Variants in COL24A1 observed in about 807,000 individuals in gnomAD.
COL24A1 encodes collagen type XXIV alpha 1 chain.
COL24A1 carries 224 observed loss-of-function variants against 253.9 expected under a neutral mutation model. The ratio of observed to expected loss-of-function variants is 0.88; its 90% CI spans 0.79 to 0.99. COL24A1 has a LOEUF of 0.99. Ranked by LOEUF, COL24A1 falls within the 50% of genes least tolerant of loss-of-function variation. The pLI, the probability that COL24A1 is intolerant of heterozygous loss-of-function variation, is 0.00. For missense variants in COL24A1, 2,131 were observed against 2,068.5 expected (o/e 1.03, Z -0.59); for synonymous variants, 685 against 673.7 (o/e 1.02, Z -0.26).
intron 12 of COL24A1, among the ~76,000 whole-genome samples, chr1:86,036,235 G>T (rs1458771969): frequency 6.6e-6 from 1 of 151,940 alleles, no homozygotes; most frequent in African/African-American, 2.4e-5. Flanking sequence ...GATACCTCCT[G>T]CCTCAGCCTC....
At chr1:86,061,461 A>G (rs1380392464) in intron 8 of COL24A1, among the ~76,000 whole-genome samples, 1 of 152,018 alleles carries the variant, frequency 6.6e-6, no homozygotes, top group Non-Finnish European at 1.5e-5. Context: ...AACCTCGATA[A>G]AAAGTCAATC....
chr1:85,818,616 A>C (rs1258278074), intron 45 of COL24A1, among the ~76,000 whole-genome samples: 1 of 152,202 alleles, frequency 6.6e-6, no homozygotes, highest in Admixed American at 6.5e-5. Context: ...TTTATTTCCC[A>C]CGGAACTGTT....
intron 24 of COL24A1, among the ~76,000 whole-genome samples, chr1:85,932,152 C>A (rs1282376017): frequency 1.0e-4 from 9 of 90,374 alleles, no homozygotes; most frequent in East Asian, 3.5e-4. Context: ...AACAGGCAAC[C>A]TACAACATGG....
At chr1:85,888,009 C>A (rs1682710808) in intron 32 of COL24A1, among the ~76,000 whole-genome samples, 1 of 151,420 alleles carries the variant, frequency 6.6e-6, no homozygotes, top group African/African-American at 2.4e-5. Flanking sequence ...AATTTATAAT[C>A]TTCCATTCTC....
intron 48 of COL24A1, among the ~76,000 whole-genome samples, chr1:85,785,497 A>G (rs1361555166): frequency 6.6e-6 from 1 of 152,222 alleles, no homozygotes; most frequent in Non-Finnish European, 1.5e-5. Context: ...TTTGACAAAT[A>G]TGGATCTTTC....
chr1:85,932,285 C>G (rs1341625161), intron 24 of COL24A1, among the ~76,000 whole-genome samples: 5 of 70,346 alleles, frequency 7.1e-5, no homozygotes, highest in African/African-American at 2.6e-4. Context: ...AGGACATGAA[C>G]AGACACTTCT....
intron 32 of COL24A1, among the ~76,000 whole-genome samples, chr1:85,880,082 T>C (rs187650173): frequency 1.3e-5 from 2 of 152,322 alleles, no homozygotes; most frequent in Admixed American, 6.5e-5. Context: ...TTGATTAGAA[T>C]TGAATTGACT....
At chr1:86,015,523 C>T (rs1696908202) in intron 19 of COL24A1, among the ~76,000 whole-genome samples, 1 of 152,050 alleles carries the variant, frequency 6.6e-6, no homozygotes, top group Non-Finnish European at 1.5e-5. Flanking sequence ...GACTCAAAAC[C>T]ATACTTATAG....
At chr1:86,101,720 T>C (rs1486844545) in intron 5 of COL24A1, among the ~76,000 whole-genome samples, 2 of 152,220 alleles carry the variant, frequency 1.3e-5, no homozygotes, top group African/African-American at 4.8e-5. Context: ...CAACCTTGCA[T>C]GGCAGAGATA....
chr1:85,956,513 A>T (rs1690485047), intron 24 of COL24A1, among the ~76,000 whole-genome samples: 1 of 152,214 alleles, frequency 6.6e-6, no homozygotes, highest in South Asian at 2.1e-4. Flanking sequence ...ATGAAATCTT[A>T]CTTTGTTCAC....
intron 5 of COL24A1, among the ~76,000 whole-genome samples, chr1:86,095,753 CTT>C (rs1269771819): frequency 1.3e-5 from 2 of 151,990 alleles, no homozygotes; most frequent in African/African-American, 4.8e-5. Context: ...TTCTGCATGA[CTT>C]TTGTTAAAGG....
At chr1:85,833,897 A>T (rs993237630) in intron 43 of COL24A1, among the ~76,000 whole-genome samples, 7 of 145,852 alleles carry the variant, frequency 4.8e-5, no homozygotes, top group African/African-American at 1.5e-4. Flanking sequence ...GTTCTCACTT[A>T]TAGGTGGGAA....
At chr1:85,926,847 CA>C (rs1343778310) in intron 24 of COL24A1, among the ~76,000 whole-genome samples, 2 of 151,246 alleles carry the variant, frequency 1.3e-5, no homozygotes, top group Non-Finnish European at 2.9e-5. Flanking sequence ...TAAAAAGAGT[CA>C]AAAAGGAGGA....
At chr1:86,110,394 GACA>G (rs1263573759) in intron 5 of COL24A1, among the ~76,000 whole-genome samples, 1 of 152,060 alleles carries the variant, frequency 6.6e-6, no homozygotes, top group Non-Finnish European at 1.5e-5. Context: ...ATTGAGAGGT[GACA>G]ACATGCTAGC....
At chr1:85,875,384 A>G in intron 33 of COL24A1, 54 bp from the exon 34 acceptor site, 2 of 1,436,998 alleles carry the variant, frequency 1.4e-6, no homozygotes, top group Non-Finnish European at 2.0e-6. Flanking sequence ...TCATGAGAAG[A>G]TGGTGGTAAC....
In COL24A1 at chr1:86,156,654, G is replaced by C; in HGVS notation, c.-258C>G. On this transcript the variant is annotated 5_prime_UTR_variant, in exon 1 of 60. Coordinates refer to ENST00000370571, the MANE Select transcript of COL24A1 (RefSeq NM_152890.7). ...GCCCAGGGTTGCGCTCCCCGGGGAGGGCGGGCGAGGAGGTAAACCTCACTG... is the reference window on the plus strand; with the variant it reads ...GCCCAGGGTTGCGCTCCCCGGGGAGCGCGGGCGAGGAGGTAAACCTCACTG... The C allele has an allele frequency of 2.9e-6, 1 of 343,278 alleles. No individual in the cohort carries two copies. Among genetic ancestry groups the C allele is most frequent in the Non-Finnish European group, 5.2e-6 (1 of 190,614 alleles). The allele number at this position is 343,278 out of a possible 1,614,324, so 21.3% of individuals were successfully genotyped here. A position where few individuals can be genotyped will look rare whatever the true frequency, so the allele number is the denominator to read the frequency against.
At chr1:85,922,201 C>A (rs1028596703) in intron 24 of COL24A1, among the ~76,000 whole-genome samples, 3 of 152,132 alleles carry the variant, frequency 2.0e-5, no homozygotes, top group African/African-American at 7.2e-5. Flanking sequence ...ATTGGTGTAC[C>A]TGAAAGTGAT....
chr1:85,994,873 T>G (rs183408530), intron 19 of COL24A1, among the ~76,000 whole-genome samples: 61 of 152,292 alleles, frequency 4.0e-4, no homozygotes, highest in African/African-American at 1.4e-3. Context: ...TATCTGCCTC[T>G]CCTTCATTTT....
Position 85,847,682 on chromosome 1 carries a change from C to T in COL24A1, c.3445G>A (p.Gly1149Arg). The T allele has an allele frequency of 6.2e-7, 1 of 1,613,440 alleles. No homozygotes were observed. The highest frequency in any genetic ancestry group is 2.2e-5 in the East Asian group (1 of 44,854). ...ATACTGACCACAGCACCTCTAGTTC[C>T]TCTGGCACCCTTAGGACCACTTTTC... is the stretch of plus-strand genomic sequence containing the variant. ...IGKSGPKGARGTRGAVGHLGL... is the reference protein window; with the variant it reads ...IGKSGPKGARRTRGAVGHLGL... Residue 1149 changes from glycine (G) to arginine (R), a missense_variant, in exon 39 of 60, where the codon GGA becomes AGA. Gly to Arg is a moderately radical substitution (Grantham distance 125). Transcript: ENST00000370571.
Sources: gnomAD v4.1 joint callset for allele counts (sites outside exome capture counted in the v4.1 genomes callset) on GRCh38, gnomAD v4.1.1 for gene constraint, MANE v1.5 for transcripts, NCBI Gene and HGNC (gene_info 2026-07-23, HGNC 2026-07-21) for gene names.